ZMYM4: variants seen among roughly 807,000 people sequenced by gnomAD.
The protein encoded by ZMYM4 is zinc finger MYM-type protein 4.
ZMYM4 carries 31 observed loss-of-function variants against 183.2 expected under a neutral mutation model. That is an observed-to-expected ratio of 0.17 (90% CI 0.13 to 0.23). The LOEUF (loss-of-function observed/expected upper bound fraction) is 0.23, where lower values mean the gene tolerates loss of function less well. Ranked by LOEUF, ZMYM4 falls within the 10% of genes least tolerant of loss-of-function variation. The pLI is 1.00. For missense variants in ZMYM4, 1,273 were observed against 1,840.3 expected (o/e 0.69, Z 5.64); for synonymous variants, 592 against 631.2 (o/e 0.94, Z 0.93).
chr1:35,299,952 G>A (rs952616970), intron 1 of ZMYM4, among the ~76,000 whole-genome samples: 5 of 151,796 alleles, frequency 3.3e-5, no homozygotes, highest in East Asian at 1.9e-4. Context: ...CTGCCACCAC[G>A]CCTGGCTATT....
chr1:35,329,843 C>A (rs1163237806), intron 2 of ZMYM4, among the ~76,000 whole-genome samples: 2 of 152,066 alleles, frequency 1.3e-5, no homozygotes, highest in African/African-American at 4.8e-5. Flanking sequence ...CATGAGTCAC[C>A]ACGCCCTACC....
At chr1:35,304,120 A>G (rs974098934) in intron 1 of ZMYM4, among the ~76,000 whole-genome samples, 4 of 151,406 alleles carry the variant, frequency 2.6e-5, no homozygotes, top group African/African-American at 4.9e-5. Context: ...CGCCTCCCAC[A>G]TTCATGCGAT....
At chr1:35,275,844 G>A (rs1306343366) in intron 1 of ZMYM4, among the ~76,000 whole-genome samples, 2 of 152,154 alleles carry the variant, frequency 1.3e-5, no homozygotes, top group African/African-American at 2.4e-5. Context: ...GTTTTTCAAA[G>A]TCAGTTTATG....
intron 1 of ZMYM4, among the ~76,000 whole-genome samples, chr1:35,309,222 GA>G: frequency 6.6e-6 from 1 of 152,254 alleles, no homozygotes; most frequent in African/African-American, 2.4e-5. Context: ...GGATCTTTAT[GA>G]AAATGAGTTA....
intron 2 of ZMYM4, among the ~76,000 whole-genome samples, chr1:35,335,747 C>A (rs7520746): frequency 0.99 from 150,840 of 152,158 alleles, 74,783 homozygotes; most frequent in Non-Finnish European, 1. Flanking sequence ...AGGTCAGGAG[C>A]TCGAGACCAT....
chr1:35,350,281 T>C (rs938455000), intron 2 of ZMYM4, among the ~76,000 whole-genome samples: 1 of 151,292 alleles, frequency 6.6e-6, no homozygotes, highest in African/African-American at 2.4e-5. Flanking sequence ...CCATGATTTC[T>C]AAAGTTGAAA....
intron 2 of ZMYM4, chr1:35,350,824 C>T (rs1466402612): frequency 1.2e-5 from 6 of 521,718 alleles, no homozygotes; most frequent in African/African-American, 3.9e-5. Flanking sequence ...TGCTTGGAAA[C>T]GCTTAGTGAT....
intron 26 of ZMYM4, among the ~76,000 whole-genome samples, chr1:35,411,905 C>A (rs746880476): frequency 1.3e-5 from 2 of 152,006 alleles, no homozygotes; most frequent in African/African-American, 4.8e-5. Context: ...TTTTTTGAGA[C>A]GGAGTCTCAC....
chr1:35,335,736 G>A (rs1003508583), intron 2 of ZMYM4, among the ~76,000 whole-genome samples: 2 of 152,040 alleles, frequency 1.3e-5, no homozygotes, highest in Non-Finnish European at 2.9e-5. Flanking sequence ...GGTGGATCAC[G>A]AGGTCAGGAG....
At position 35,405,104 on chromosome 1, in the gene ZMYM4, A is replaced by T; in HGVS notation, c.3610A>T (p.Thr1204Ser). 6.2e-7 allele frequency: 1 copy of T among 1,614,128 alleles called. No homozygotes were observed. The highest frequency in any genetic ancestry group is 1.7e-5 in the Admixed American group (1 of 60,024). Residue 1204 changes from threonine to serine, a missense_variant, in exon 24 of 30, where the codon ACA (threonine) becomes TCA (serine). Thr to Ser is a moderately conservative substitution (Grantham distance 58). Coordinates refer to ENST00000314607, the MANE Select transcript of ZMYM4 (RefSeq NM_005095.3). ...AFQGCSVSGMTLKYMYGVNAW... is the reference protein window; with the variant it reads ...AFQGCSVSGMSLKYMYGVNAW... ...TCAAGGCTGCTCAGTGTCCGGGATG[A>T]CACTGAAATACATGTATGGGGTAAA...
At chr1:35,347,598 A>G (rs963554036) in intron 2 of ZMYM4, among the ~76,000 whole-genome samples, 4 of 152,160 alleles carry the variant, frequency 2.6e-5, no homozygotes, top group African/African-American at 7.2e-5. Flanking sequence ...ATCTGAATAG[A>G]AAGGGATATC....
intron 2 of ZMYM4, among the ~76,000 whole-genome samples, chr1:35,340,126 C>G (rs1643142276): frequency 2.0e-5 from 3 of 152,062 alleles, no homozygotes; most frequent in Admixed American, 1.3e-4. Flanking sequence ...AATCAAATAA[C>G]AAAAATTTTT....
intron 2 of ZMYM4, among the ~76,000 whole-genome samples, chr1:35,352,386 G>GCACACACACACACACACACACACA (rs374281470): frequency 7.8e-6 from 1 of 128,392 alleles, no homozygotes; most frequent in African/African-American, 3.0e-5. Context: ...AAAAATTAGC[G>GCACACACACACACACACACACACA]CACACACACA....
intron 1 of ZMYM4, among the ~76,000 whole-genome samples, chr1:35,271,495 C>T (rs538748147): frequency 6.6e-5 from 10 of 152,230 alleles, no homozygotes; most frequent in African/African-American, 2.2e-4. Flanking sequence ...CTCCGCCTCC[C>T]GGGTTCAATT....
intron 5 of ZMYM4, among the ~76,000 whole-genome samples, chr1:35,366,546 A>G (rs1644084956): frequency 6.6e-6 from 1 of 152,202 alleles, no homozygotes; most frequent in African/African-American, 2.4e-5. Flanking sequence ...TGGAGTACCT[A>G]GTTGAATTAT....
chr1:35,390,183 A>T, intron 15 of ZMYM4, 85 bp downstream of exon 15: 1 of 1,382,716 alleles, frequency 7.2e-7, no homozygotes, highest in South Asian at 1.7e-5. Context: ...CTGTGTAAAC[A>T]GTTGTCATTA....
intron 5 of ZMYM4, among the ~76,000 whole-genome samples, chr1:35,367,718 T>A (rs2148928404): frequency 6.6e-6 from 1 of 152,268 alleles, no homozygotes; most frequent in East Asian, 1.9e-4. Context: ...GGCTTATGCC[T>A]GTAATCCCAG....
chr1:35,333,549 C>T (rs778302217), intron 2 of ZMYM4, among the ~76,000 whole-genome samples: 4 of 152,068 alleles, frequency 2.6e-5, no homozygotes, highest in Non-Finnish European at 5.9e-5. Context: ...TCAGCTACTG[C>T]GCCTGGCCCA....
intron 1 of ZMYM4, among the ~76,000 whole-genome samples, chr1:35,275,986 G>C (rs1168500153): frequency 6.6e-6 from 1 of 151,936 alleles, no homozygotes; most frequent in Non-Finnish European, 1.5e-5. Context: ...TCATCTTTCT[G>C]GCCTCCTAGA....
Sources: gnomAD v4.1 joint callset for allele counts (sites outside exome capture counted in the v4.1 genomes callset) on GRCh38, gnomAD v4.1.1 for gene constraint, MANE v1.5 for transcripts, NCBI Gene and HGNC (gene_info 2026-07-23, HGNC 2026-07-21) for gene names.